The following ATG3 variants were observed in gnomAD, a reference collection of about 807,000 sequenced individuals.
ATG3 encodes autophagy related 3.
In ATG3, 25 loss-of-function variants were observed where a neutral mutation model predicts 50.7. The observed-to-expected ratio is 0.49, with a 90% CI of 0.36 to 0.69. The LOEUF (loss-of-function observed/expected upper bound fraction) is 0.69, where lower values mean the gene tolerates loss of function less well. ATG3 is among the 30% of genes least tolerant of loss of function. The pLI, the probability that ATG3 is intolerant of heterozygous loss-of-function variation, is 0.00. For missense variants in ATG3, 281 were observed against 376.0 expected, an observed-to-expected ratio of 0.75 and a Z score of 2.09; for synonymous variants, 119 against 125.5, an observed-to-expected ratio of 0.95 and a Z score of 0.34.
chr3:112,553,257 A>G lies in ATG3; in HGVS notation c.164+23T>C, dbSNP rs1324194068. Reference sequence around the variant, plus strand: ...AAGCCATGCATTTTACTAATTTTCTATTCTTTACTCAATATTACTTACCAT... The same window carrying G: ...AAGCCATGCATTTTACTAATTTTCTGTTCTTTACTCAATATTACTTACCAT... On this transcript the variant is annotated intron_variant, in intron 3 of 11. Coordinates refer to ENST00000283290, the MANE Select transcript of ATG3 (RefSeq NM_022488.5). 2.5e-6 allele frequency: 4 copies of G among 1,585,826 alleles called. No homozygotes were observed. In the South Asian group the frequency reaches 4.5e-5, roughly 18 times the overall value.
chr3:112,536,465 A>C lies in ATG3; in HGVS notation c.794+10T>G, dbSNP rs1199436525. ...CATCAAAAAATATATTTATCTCTAC[A>C]TATACAGACCTGCATGGGTGAACTG... On this transcript the variant is annotated intron_variant, in intron 10 of 11. Transcript: ENST00000283290. 1 of 1,609,758 alleles carries C rather than the reference A, an allele frequency of 6.2e-7. No homozygotes were observed. The highest frequency in any genetic ancestry group is 8.5e-7 in the Non-Finnish European group (1 of 1,175,968).
chr3:112,540,431 C>T (rs1375308659), intron 7 of ATG3, among the ~76,000 whole-genome samples: 3 of 152,294 alleles, frequency 2.0e-5, no homozygotes, highest in South Asian at 4.1e-4. Context: ...CAATGCCTGC[C>T]TTTTTTTCAT....
At chr3:112,537,987 T>G (rs1401399035) in intron 8 of ATG3, 97 bp from the exon 9 acceptor site, 2 of 1,314,800 alleles carry the variant, frequency 1.5e-6, no homozygotes, top group African/African-American at 3.0e-5. Flanking sequence ...TTTGTTTTCT[T>G]AAGAGTAAAT....
chr3:112,554,832 G>A (rs1291786846), intron 2 of ATG3, among the ~76,000 whole-genome samples: 1 of 152,116 alleles, frequency 6.6e-6, no homozygotes, highest in Non-Finnish European at 1.5e-5. Context: ...CTTTTAAGAT[G>A]AAACATTAAC....
intron 2 of ATG3, among the ~76,000 whole-genome samples, chr3:112,557,644 A>C (rs1278446845): frequency 6.6e-6 from 1 of 152,178 alleles, no homozygotes; most frequent in Non-Finnish European, 1.5e-5. Flanking sequence ...AAAACCACAA[A>C]GATTTGGAAC....
intron 5 of ATG3, among the ~76,000 whole-genome samples, chr3:112,546,871 C>T (rs1933383995): frequency 2.0e-5 from 3 of 152,152 alleles, no homozygotes; most frequent in Non-Finnish European, 4.4e-5. Flanking sequence ...TTTGAAATTA[C>T]TTTTAAAAGT....
Position 112,541,904 on chromosome 3 carries a change from T to TA in ATG3, c.394-21dup, listed in dbSNP as rs1243117390. 6.4e-7 allele frequency: 1 copy of TA among 1,574,412 alleles called. No individual in the cohort carries two copies. Among genetic ancestry groups the TA allele is most frequent in the Non-Finnish European group, 8.7e-7 (1 of 1,148,594 alleles). On this transcript the variant is annotated intron_variant, in intron 6 of 11. Coordinates refer to ENST00000283290, the MANE Select transcript of ATG3 (RefSeq NM_022488.5). ...ATTGTCCTTTGAAATTAATTATATT[T>TA]AAAATCACTTAAGTATATACATTAA...
chr3:112,557,212 C>G (rs916964644), intron 2 of ATG3, among the ~76,000 whole-genome samples: 12 of 143,880 alleles, frequency 8.3e-5, no homozygotes, highest in African/African-American at 2.9e-4. Flanking sequence ...CCATCACGCC[C>G]CGCTAATTTT....
intron 2 of ATG3, 53 bp downstream of exon 2, chr3:112,558,323 T>C (rs1381885905): frequency 1.5e-6 from 2 of 1,340,132 alleles, no homozygotes; most frequent in Non-Finnish European, 2.1e-6. Context: ...AAAAGCCACC[T>C]AGTTTAGTAT....
intron 5 of ATG3, among the ~76,000 whole-genome samples, chr3:112,548,322 G>T (rs898377627): frequency 9.2e-5 from 14 of 152,124 alleles, no homozygotes; most frequent in African/African-American, 3.1e-4. Flanking sequence ...CCAGCCTGGT[G>T]ACAGAGCAAG....
At chr3:112,548,120 G>A (rs111705663) in intron 5 of ATG3, among the ~76,000 whole-genome samples, 60 of 152,244 alleles carry the variant, frequency 3.9e-4, no homozygotes, top group South Asian at 1.2e-3. Flanking sequence ...TTGGGAGGCC[G>A]AGGCAGCCAG....
intron 2 of ATG3, among the ~76,000 whole-genome samples, chr3:112,556,549 GC>G (rs1458604769): frequency 1.3e-5 from 2 of 152,226 alleles, no homozygotes; most frequent in African/African-American, 4.8e-5. Flanking sequence ...TTGAGAACGG[GC>G]CATGATGACA....
intron 2 of ATG3, among the ~76,000 whole-genome samples, chr3:112,555,769 C>T (rs1933654719): frequency 6.6e-6 from 1 of 152,196 alleles, no homozygotes; most frequent in African/African-American, 2.4e-5. Flanking sequence ...GTGCTCTATC[C>T]CAACCCTGCA....
chr3:112,534,731 A>T (rs1932978199), intron 10 of ATG3: 1 of 151,874 alleles, frequency 6.6e-6, no homozygotes, highest in Admixed American at 6.6e-5. Context: ...AAAATGTGGA[A>T]TGATAGCTGT....
At chr3:112,542,248 G>C (rs1182296333) in intron 6 of ATG3, among the ~76,000 whole-genome samples, 2 of 152,044 alleles carry the variant, frequency 1.3e-5, no homozygotes, top group Non-Finnish European at 1.5e-5. Flanking sequence ...AGGGGAAAAA[G>C]TGCACATATC....
At chr3:112,536,691 G>A (rs988503410) in intron 9 of ATG3, 89 bp from the exon 10 acceptor site, 2 of 1,409,014 alleles carry the variant, frequency 1.4e-6, no homozygotes, top group Non-Finnish European at 2.0e-6. Flanking sequence ...GGAGACTGAG[G>A]TGGGCGGATC....
At chr3:112,558,219 T>C (rs1186945606) in intron 2 of ATG3, 157 bp downstream of exon 2, 1 of 590,154 alleles carries the variant, frequency 1.7e-6, no homozygotes, top group Non-Finnish European at 3.0e-6. Context: ...CATCTTTTCT[T>C]CTATGGGAAG....
chr3:112,536,329 A>G, intron 10 of ATG3, 146 bp downstream of exon 10: 1 of 928,250 alleles, frequency 1.1e-6, no homozygotes, highest in South Asian at 2.0e-5. Flanking sequence ...AGCACAAGAA[A>G]ATTTCTAAGG....
At chr3:112,544,594 C>T (rs1252814029) in intron 5 of ATG3, among the ~76,000 whole-genome samples, 1 of 133,818 alleles carries the variant, frequency 7.5e-6, no homozygotes, top group Non-Finnish European at 1.5e-5. Context: ...GTGGAGGTTG[C>T]AATGAGCCGA....
Sources: gnomAD v4.1 joint callset for allele counts (sites outside exome capture counted in the v4.1 genomes callset) on GRCh38, gnomAD v4.1.1 for gene constraint, MANE v1.5 for transcripts, NCBI Gene and HGNC (gene_info 2026-07-23, HGNC 2026-07-21) for gene names.